The following SHISA6 variants were observed in gnomAD, a reference collection of about 807,000 sequenced individuals.
SHISA6 encodes protein shisa-6.
In SHISA6, 22 loss-of-function variants were observed where a neutral mutation model predicts 47.9. The observed-to-expected ratio is 0.46, with a 90% CI of 0.33 to 0.66. The LOEUF is 0.66. Ranked by LOEUF, SHISA6 falls within the 30% of genes least tolerant of loss-of-function variation. SHISA6 has a pLI of 0.02. For missense variants in SHISA6, 680 were observed against 764.6 expected (o/e 0.89, Z 1.30); for synonymous variants, 388 against 337.8 (o/e 1.15, Z -1.63).
chr17:11,541,889 G>T (rs1268664562), intron 3 of SHISA6, among the ~76,000 whole-genome samples: 2 of 152,170 alleles, frequency 1.3e-5, no homozygotes, highest in African/African-American at 4.8e-5. Flanking sequence ...CTCCAGTGAA[G>T]CTGGTCATGC....
At chr17:11,322,874 T>TA (rs1206084565) in intron 2 of SHISA6, among the ~76,000 whole-genome samples, 2 of 152,148 alleles carry the variant, frequency 1.3e-5, no homozygotes, top group Non-Finnish European at 2.9e-5. Flanking sequence ...GAAGAGTGGG[T>TA]ATCAGTAGGG....
At chr17:11,413,824 C>G (rs182784193) in intron 3 of SHISA6, among the ~76,000 whole-genome samples, 44 of 152,258 alleles carry the variant, frequency 2.9e-4, no homozygotes, top group Admixed American at 2.3e-3. Flanking sequence ...GACACGTAGC[C>G]AGCTCAGCTT....
At chr17:11,463,189 G>A (rs1411554687) in intron 3 of SHISA6, among the ~76,000 whole-genome samples, 2 of 152,196 alleles carry the variant, frequency 1.3e-5, no homozygotes, top group Non-Finnish European at 2.9e-5. Flanking sequence ...CCGTAAGCTT[G>A]TTTCCTTATC....
chr17:11,440,652 G>A (rs969659144), intron 3 of SHISA6, among the ~76,000 whole-genome samples: 12 of 148,458 alleles, frequency 8.1e-5, no homozygotes, highest in South Asian at 4.3e-4. Context: ...ATGAGCAAAC[G>A]GATGCTTAGA....
intron 2 of SHISA6, chr17:11,289,425 A>AG (rs1232933741): frequency 1.3e-5 from 2 of 152,032 alleles, no homozygotes; most frequent in Non-Finnish European, 1.5e-5. Context: ...AGGTTATGCT[A>AG]GCTTTGCAAA....
chr17:11,393,519 A>G (rs1913460541), intron 3 of SHISA6, among the ~76,000 whole-genome samples: 2 of 152,144 alleles, frequency 1.3e-5, no homozygotes, highest in Non-Finnish European at 2.9e-5. Context: ...ATTTGCTCCA[A>G]TGTACCTTCC....
intron 3 of SHISA6, among the ~76,000 whole-genome samples, chr17:11,414,735 C>T (rs565786000): frequency 2.0e-5 from 3 of 152,232 alleles, no homozygotes; most frequent in South Asian, 2.1e-4. Context: ...ACTTGCTGGC[C>T]ACATTGGTAT....
chr17:11,310,855 T>A (rs1402798177), intron 2 of SHISA6, among the ~76,000 whole-genome samples: 1 of 151,954 alleles, frequency 6.6e-6, no homozygotes, highest in Non-Finnish European at 1.5e-5. Flanking sequence ...ACGCCTGTAA[T>A]CCCAGCACTT....
At chr17:11,418,761 C>A (rs1914360108) in intron 3 of SHISA6, among the ~76,000 whole-genome samples, 1 of 152,200 alleles carries the variant, frequency 6.6e-6, no homozygotes, top group Non-Finnish European at 1.5e-5. Flanking sequence ...CCCTGCCACC[C>A]CACCTGCCTA....
intron 2 of SHISA6, among the ~76,000 whole-genome samples, chr17:11,360,577 A>T (rs1250898662): frequency 1.3e-5 from 2 of 151,662 alleles, no homozygotes; most frequent in Admixed American, 1.3e-4. Context: ...AAAAAAAAAA[A>T]AAAGAGAACA....
rs543196970 is a variant in SHISA6, at chr17:11,334,940, C to A, written c.800-44474C>A. 6.9e-3 allele frequency among the ~76,000 whole-genome samples: 1,057 copies of A among 152,340 alleles called. 3 individuals are homozygous for A. Among genetic ancestry groups the A allele is most frequent in the Non-Finnish European group, 0.012 (795 of 68,032 alleles). On this transcript the variant is annotated intron_variant, in intron 2 of 5. Transcript: ENST00000441885. ...TGATTTGCCAGGCACTTCTGGCTTG[C>A]ACCTGCACGAGGCTGGGCAAAACCC...
intron 3 of SHISA6, among the ~76,000 whole-genome samples, chr17:11,480,561 A>C (rs1916183961): frequency 1.3e-5 from 2 of 152,056 alleles, no homozygotes; most frequent in Admixed American, 1.3e-4. Context: ...GACTCTATGG[A>C]GTACTGTTTT....
rs1309898339 is a variant in SHISA6, at chr17:11,562,950, A to G, written c.*4646A>G. 1 of 152,290 alleles carries G rather than the reference A, an allele frequency of 6.6e-6. No individual in the cohort carries two copies. Among genetic ancestry groups the G allele is most frequent in the South Asian group, 2.1e-4 (1 of 4,836 alleles). The allele number at this position is 152,290 out of a possible 1,614,324, so 9.4% of individuals were successfully genotyped here. A position where few individuals can be genotyped will look rare whatever the true frequency, so the allele number is the denominator to read the frequency against. ...TGAAGTTTAAGGGCCTAACCATTCA[A>G]TAGGTCACCAACTGTGTGCCATGGA... On this transcript the variant is annotated 3_prime_UTR_variant, in exon 6 of 6. Coordinates refer to ENST00000441885, the MANE Select transcript of SHISA6 (RefSeq NM_207386.4).
At chr17:11,507,852 T>G (rs1434293503) in intron 3 of SHISA6, among the ~76,000 whole-genome samples, 1 of 152,228 alleles carries the variant, frequency 6.6e-6, no homozygotes, top group African/African-American at 2.4e-5. Context: ...TCATCCTTTG[T>G]GTATTTCTCA....
At position 11,558,617 on chromosome 17, in the gene SHISA6, T is replaced by G. The variant is rs991679806; in HGVS notation, c.*313T>G. 3 of 396,476 alleles carry G rather than the reference T, an allele frequency of 7.6e-6. No homozygotes were observed. Among genetic ancestry groups the G allele is most frequent in the Non-Finnish European group, 1.4e-5 (3 of 216,322 alleles). The allele number at this position is 396,476 out of a possible 1,614,324, so 24.6% of individuals were successfully genotyped here. ...ACCAACTCCCTTTCCGTCCCGCGCCTCCTTCTCCCCATCCGGGGGACTCAG... is the reference window on the plus strand; with the variant it reads ...ACCAACTCCCTTTCCGTCCCGCGCCGCCTTCTCCCCATCCGGGGGACTCAG... On this transcript the variant is annotated 3_prime_UTR_variant, in exon 6 of 6. Coordinates refer to ENST00000441885, the MANE Select transcript of SHISA6 (RefSeq NM_207386.4).
intron 2 of SHISA6, among the ~76,000 whole-genome samples, chr17:11,276,206 G>T (rs1430013895): frequency 3.3e-5 from 5 of 152,136 alleles, no homozygotes; most frequent in African/African-American, 1.2e-4. Context: ...TTAAACTCCT[G>T]ACCTCAAGTG....
chr17:11,546,404 T>A (rs2071884223), intron 3 of SHISA6, among the ~76,000 whole-genome samples: 1 of 152,314 alleles, frequency 6.6e-6, no homozygotes, highest in South Asian at 2.1e-4. Flanking sequence ...TCTATGAGAA[T>A]GAGGAATCCC....
chr17:11,311,106 C>CA lies in SHISA6; in HGVS notation c.799+47606dup, dbSNP rs71139101. Among the ~76,000 whole-genome samples, 452 of 48,524 alleles carry CA rather than the reference C, an allele frequency of 9.3e-3. 8 individuals carry two copies. Among genetic ancestry groups the CA allele is most frequent in the African/African-American group, 0.027 (335 of 12,484 alleles). The allele number at this position is 48,524 out of a possible 152,430, so 31.8% of individuals were successfully genotyped here. ...TGGGTGACTGAGCGAGACTCCATCT[C>CA]AAAAAAAAAAAAAAAAAAAAAAAAA... is the stretch of plus-strand genomic sequence containing the variant. On this transcript the variant is annotated intron_variant, in intron 2 of 5. Transcript: ENST00000441885.
intron 3 of SHISA6, among the ~76,000 whole-genome samples, chr17:11,389,469 G>T (rs1288675980): frequency 6.6e-6 from 1 of 152,210 alleles, no homozygotes; most frequent in African/African-American, 2.4e-5. Flanking sequence ...GACACTGAGG[G>T]TCATGAATGT....
Sources: gnomAD v4.1 joint callset for allele counts (sites outside exome capture counted in the v4.1 genomes callset) on GRCh38, gnomAD v4.1.1 for gene constraint, MANE v1.5 for transcripts, NCBI Gene and HGNC (gene_info 2026-07-23, HGNC 2026-07-21) for gene names.